The following PDE1A variants were observed in gnomAD, a reference collection of about 807,000 sequenced individuals.
PDE1A encodes the protein phosphodiesterase 1A.
PDE1A carries 35 observed loss-of-function variants against 61.7 expected under a neutral mutation model. The observed-to-expected ratio is 0.57, with a 90% CI of 0.43 to 0.75. The LOEUF (loss-of-function observed/expected upper bound fraction) is 0.75, where lower values mean the gene tolerates loss of function less well. Among genes scored for constraint, PDE1A ranks in the 30% least tolerant of loss-of-function variants. The probability of loss-of-function intolerance (pLI) is 0.00; values close to 1 mark genes in which losing one functional copy is unlikely to be tolerated. For synonymous variants in PDE1A, 232 were observed against 213.2 expected (o/e 1.09, Z -0.77); for missense variants, 597 against 630.6 (o/e 0.95, Z 0.57).
At chr2:182,250,601 C>T (rs919135302) in intron 2 of PDE1A, among the ~76,000 whole-genome samples, 1 of 151,786 alleles carries the variant, frequency 6.6e-6, no homozygotes, top group African/African-American at 2.4e-5. Context: ...TTCAATGTTC[C>T]TCTGGTATTG....
At chr2:182,698,514 T>C in the PDE1A span, among the ~76,000 whole-genome samples, 43 of 152,312 alleles carry the variant, frequency 2.8e-4, no homozygotes, top group East Asian at 7.9e-3. Flanking sequence ...TTATATACTA[T>C]AGCATTATTA....
chr2:182,697,982 A>G, the PDE1A span, among the ~76,000 whole-genome samples: 1 of 152,238 alleles, frequency 6.6e-6, no homozygotes, highest in Admixed American at 6.5e-5. Flanking sequence ...TAGGCACTCA[A>G]TAAATGTTAG....
chr2:182,293,062 A>G (rs1323333639), intron 1 of PDE1A, among the ~76,000 whole-genome samples: 1 of 152,084 alleles, frequency 6.6e-6, no homozygotes, highest in African/African-American at 2.4e-5. Flanking sequence ...AAATGTATAG[A>G]TGAGTGTAAG....
chr2:182,205,603 T>C (rs767740835), intron 8 of PDE1A, among the ~76,000 whole-genome samples: 34 of 152,214 alleles, frequency 2.2e-4, no homozygotes, highest in East Asian at 5.8e-4. Flanking sequence ...TGCCAAAATT[T>C]TGAATTTATG....
At chr2:182,485,525 T>A (rs896729935) in intron 2 of PDE1A, among the ~76,000 whole-genome samples, 7 of 151,984 alleles carry the variant, frequency 4.6e-5, no homozygotes, top group Admixed American at 1.3e-4. Flanking sequence ...AAAGTTTTTT[T>A]AAAAAGCTAT....
chr2:182,243,375 A>C (rs1213785601), intron 2 of PDE1A, among the ~76,000 whole-genome samples: 1 of 152,196 alleles, frequency 6.6e-6, no homozygotes, highest in Non-Finnish European at 1.5e-5. Context: ...AGGAAGTATT[A>C]GTTATAGGAA....
intron 10 of PDE1A, among the ~76,000 whole-genome samples, chr2:182,194,125 T>G (rs1685939628): frequency 6.6e-6 from 1 of 152,150 alleles, no homozygotes; most frequent in African/African-American, 2.4e-5. Context: ...AACAAGGTAA[T>G]AATGATTAAT....
At chr2:182,605,681 T>C in the PDE1A span, among the ~76,000 whole-genome samples, 1 of 152,032 alleles carries the variant, frequency 6.6e-6, no homozygotes, top group African/African-American at 2.4e-5. Context: ...TGATCCAGAG[T>C]AAAGGGAGAA....
chr2:182,585,483 G>T, the PDE1A span, among the ~76,000 whole-genome samples: 1 of 152,110 alleles, frequency 6.6e-6, no homozygotes, highest in South Asian at 2.1e-4. Flanking sequence ...CTAGGTTTGA[G>T]CACTTTTATT....
At chr2:182,269,475 G>C (rs995930093) in intron 1 of PDE1A, among the ~76,000 whole-genome samples, 2 of 151,474 alleles carry the variant, frequency 1.3e-5, no homozygotes, top group Admixed American at 6.6e-5. Context: ...GGCAACAAGA[G>C]TGAAAAATCT....
chr2:182,472,485 C>T (rs1687088472), intron 2 of PDE1A, among the ~76,000 whole-genome samples: 1 of 151,842 alleles, frequency 6.6e-6, no homozygotes, highest in Admixed American at 6.6e-5. Flanking sequence ...ACGTTCTCCT[C>T]ATAAGTGGGA....
intron 1 of PDE1A, among the ~76,000 whole-genome samples, chr2:182,264,878 C>CATATATATATAT (rs148358464): frequency 0.18 from 18,815 of 106,526 alleles, 3,323 homozygotes; most frequent in East Asian, 0.32. Flanking sequence ...TATATATATA[C>CATATATATATAT]ATATATATAT....
chr2:182,386,199 C>T (rs892342746), intron 1 of PDE1A, among the ~76,000 whole-genome samples: 6 of 152,272 alleles, frequency 3.9e-5, no homozygotes, highest in African/African-American at 1.2e-4. Flanking sequence ...TAGCTACAAC[C>T]TCCACCTCCC....
the PDE1A span, among the ~76,000 whole-genome samples, chr2:182,671,338 ATTTTTTTTT>A: frequency 2.7e-5 from 2 of 75,218 alleles, no homozygotes; most frequent in East Asian, 4.5e-4. Context: ...CGACTGGCTA[ATTTTTTTTT>A]TTTTTTTTTT....
chr2:182,206,074 T>G lies in PDE1A; in HGVS notation c.777-9A>C. 1 of 1,597,994 alleles carries G rather than the reference T, an allele frequency of 6.3e-7. No homozygotes were observed. The highest frequency in any genetic ancestry group is 8.5e-7 in the Non-Finnish European group (1 of 1,172,362). On this transcript the variant is annotated splice_polypyrimidine_tract_variant and intron_variant, in intron 7 of 13. Transcript: ENST00000351439. ...AAATGGCAACATCTGACCTAAGAAT[T>G]AAAAACAAAATGCCCAACAGAGGAT...
chr2:182,246,465 A>T (rs2125712477), intron 2 of PDE1A, among the ~76,000 whole-genome samples: 1 of 130,964 alleles, frequency 7.6e-6, no homozygotes, highest in Non-Finnish European at 1.5e-5. Context: ...GTGCAGTGGC[A>T]TGATCTCGGC....
intron 1 of PDE1A, among the ~76,000 whole-genome samples, chr2:182,403,159 A>C (rs897017499): frequency 1.3e-5 from 2 of 152,118 alleles, no homozygotes; most frequent in Non-Finnish European, 2.9e-5. Context: ...TTGACCCAGC[A>C]ATCCCATTAC....
intron 1 of PDE1A, among the ~76,000 whole-genome samples, chr2:182,317,439 C>A (rs987660766): frequency 1.3e-5 from 2 of 152,010 alleles, no homozygotes; most frequent in African/African-American, 2.4e-5. Flanking sequence ...CATGCCATGG[C>A]AAATTCTAAA....
chr2:182,242,113 G>A (rs752639825), intron 2 of PDE1A: 37 of 1,244,398 alleles, frequency 3.0e-5, no homozygotes, highest in Non-Finnish European at 3.5e-5. Context: ...CTGCAGCCTA[G>A]TTTTGTCAGC....
Sources: allele counts gnomAD v4.1 joint callset (sites outside exome capture counted in the v4.1 genomes callset), GRCh38; gene constraint gnomAD v4.1.1; transcripts MANE v1.5; gene names NCBI Gene and HGNC (gene_info 2026-07-23, HGNC 2026-07-21).